Variants in TMPRSS11D observed in about 807,000 individuals in gnomAD.
The protein encoded by TMPRSS11D is transmembrane serine protease 11D, also known as transmembrane protease serine 11D.
TMPRSS11D carries 32 observed loss-of-function variants against 44.4 expected under a neutral mutation model. The observed-to-expected ratio is 0.72, with a 90% CI of 0.54 to 0.97. The LOEUF (loss-of-function observed/expected upper bound fraction) is 0.97, where lower values mean the gene tolerates loss of function less well. Ranked by LOEUF, TMPRSS11D falls within the 50% of genes least tolerant of loss-of-function variation. The probability of loss-of-function intolerance (pLI) is 0.00; values close to 1 mark genes in which losing one functional copy is unlikely to be tolerated. For synonymous variants in TMPRSS11D, 179 were observed against 177.9 expected (o/e 1.01, Z -0.05); for missense variants, 446 against 502.6 (o/e 0.89, Z 1.08).
intron 1 of TMPRSS11D, among the ~76,000 whole-genome samples, chr4:67,865,247 C>A (rs1055098016): frequency 3.3e-5 from 5 of 150,218 alleles, no homozygotes; most frequent in African/African-American, 9.8e-5. Context: ...GAAAAAAAAA[C>A]CCAACATGCT....
chr4:67,835,923 A>C (rs1718073196), intron 5 of TMPRSS11D, among the ~76,000 whole-genome samples: 2 of 152,144 alleles, frequency 1.3e-5, no homozygotes, highest in South Asian at 4.1e-4. Flanking sequence ...TCAGTATCAG[A>C]GGGTAAAGGT....
chr4:67,874,010 A>G (rs893796089), intron 1 of TMPRSS11D, among the ~76,000 whole-genome samples: 28 of 152,216 alleles, frequency 1.8e-4, no homozygotes, highest in Admixed American at 1.6e-3. Context: ...CATGTATGAC[A>G]GTGGTCCCAT....
chr4:67,830,722 A>G (rs868331513), intron 7 of TMPRSS11D, among the ~76,000 whole-genome samples: 41 of 150,642 alleles, frequency 2.7e-4, no homozygotes, highest in African/African-American at 8.8e-4. Context: ...TCTTCCTTCC[A>G]CTCGTTTATT....
At chr4:67,854,488 T>G (rs902616619) in intron 2 of TMPRSS11D, among the ~76,000 whole-genome samples, 1 of 152,168 alleles carries the variant, frequency 6.6e-6, no homozygotes, top group Non-Finnish European at 1.5e-5. Context: ...AGATTTGTGG[T>G]GTATTCATTC....
chr4:67,876,829 ATT>A (rs532392729), intron 1 of TMPRSS11D, among the ~76,000 whole-genome samples: 1 of 152,176 alleles, frequency 6.6e-6, no homozygotes, highest in Non-Finnish European at 1.5e-5. Context: ...CACTTAGGAC[ATT>A]TTTTTAATTG....
chr4:67,853,782 G>T (rs1011121495), intron 3 of TMPRSS11D, among the ~76,000 whole-genome samples: 6 of 152,154 alleles, frequency 3.9e-5, no homozygotes, highest in African/African-American at 1.4e-4. Context: ...CAATGTCAAT[G>T]CTTAATTAAA....
chr4:67,838,910 A>G (rs1313799325), intron 4 of TMPRSS11D: 1 of 152,098 alleles, frequency 6.6e-6, no homozygotes, highest in African/African-American at 2.4e-5. Flanking sequence ...TTCATCACTC[A>G]TTTTAATTAA....
rs1718566463 is a variant in TMPRSS11D, at chr4:67,853,848, C to T, written c.249+220G>A. Among the ~76,000 whole-genome samples the T allele has an allele frequency of 2.6e-5, 4 of 152,130 alleles. No individual in the cohort carries two copies. In the South Asian group the frequency reaches 8.3e-4, roughly 32 times the overall value. ...TAAACAAATAAAATGCATATTTACTCGTGGCCTTTCTAACACTTTTTACTC... is the reference window on the plus strand; with the variant it reads ...TAAACAAATAAAATGCATATTTACTTGTGGCCTTTCTAACACTTTTTACTC... On this transcript the variant is annotated intron_variant, in intron 3 of 9. Coordinates refer to ENST00000283916, the MANE Select transcript of TMPRSS11D (RefSeq NM_004262.3).
chr4:67,842,699 T>A, intron 3 of TMPRSS11D, 74 bp from the exon 4 acceptor site: 2 of 1,342,004 alleles, frequency 1.5e-6, no homozygotes, highest in Non-Finnish European at 2.1e-6. Context: ...CCTTGCAACA[T>A]GAGACATGTT....
At chr4:67,869,505 T>C (rs576653680) in intron 1 of TMPRSS11D, among the ~76,000 whole-genome samples, 2 of 152,252 alleles carry the variant, frequency 1.3e-5, no homozygotes, top group African/African-American at 4.8e-5. Context: ...TATCAATTAA[T>C]ATTTATAATC....
rs542392616 is a variant in TMPRSS11D, at chr4:67,837,183, C to A, written c.475+989G>T. ...TCTAGTATAATGATAAATAAATAAACACTTGGGAAGTGCGTTCGGGAGCAT... is the reference window on the plus strand; with the variant it reads ...TCTAGTATAATGATAAATAAATAAAAACTTGGGAAGTGCGTTCGGGAGCAT... On this transcript the variant is annotated intron_variant, in intron 5 of 9. Transcript: ENST00000283916. 2.0e-5 allele frequency among the ~76,000 whole-genome samples: 3 copies of A among 152,220 alleles called. No homozygotes were observed. In the South Asian group the frequency reaches 6.2e-4, roughly 32 times the overall value.
chr4:67,860,806 G>A (rs1718775686), intron 1 of TMPRSS11D, among the ~76,000 whole-genome samples: 1 of 152,108 alleles, frequency 6.6e-6, no homozygotes. Context: ...GTATAAGTGA[G>A]AAGGGTATGT....
At chr4:67,833,502 C>A in intron 6 of TMPRSS11D, 121 bp from the exon 7 acceptor site, 4 of 937,398 alleles carry the variant, frequency 4.3e-6, no homozygotes. Context: ...TCAGGACATG[C>A]TGGATTTTCC....
chr4:67,834,262 C>CT (rs34971754), intron 6 of TMPRSS11D, among the ~76,000 whole-genome samples: 23,304 of 151,836 alleles, frequency 0.15, 1,904 homozygotes, highest in Middle Eastern at 0.23. Context: ...CACCTAAAGG[C>CT]TTTTTTTTCC....
At chr4:67,869,155 A>G (rs1382732502) in intron 1 of TMPRSS11D, among the ~76,000 whole-genome samples, 1 of 152,228 alleles carries the variant, frequency 6.6e-6, no homozygotes, top group Non-Finnish European at 1.5e-5. Flanking sequence ...TCAGCTGTTA[A>G]GATGGGTCTT....
intron 1 of TMPRSS11D, among the ~76,000 whole-genome samples, chr4:67,870,698 C>T (rs1719036796): frequency 6.6e-6 from 1 of 150,938 alleles, no homozygotes; most frequent in African/African-American, 2.4e-5. Flanking sequence ...CCTATAGTCC[C>T]AGCTACTCAG....
At chr4:67,844,854 C>T (rs905532416) in intron 3 of TMPRSS11D, among the ~76,000 whole-genome samples, 9 of 151,846 alleles carry the variant, frequency 5.9e-5, no homozygotes, top group African/African-American at 1.5e-4. Flanking sequence ...TGCTGTAATT[C>T]GATAAAGTAA....
intron 4 of TMPRSS11D, among the ~76,000 whole-genome samples, chr4:67,838,530 T>C (rs975171759): frequency 5.3e-5 from 8 of 152,116 alleles, no homozygotes; most frequent in African/African-American, 1.9e-4. Flanking sequence ...CACAGAACAC[T>C]GTACTCACTG....
At chr4:67,859,145 G>T (rs1235753093) in intron 2 of TMPRSS11D, among the ~76,000 whole-genome samples, 2 of 152,102 alleles carry the variant, frequency 1.3e-5, no homozygotes, top group African/African-American at 4.8e-5. Flanking sequence ...CCAAATTTTA[G>T]ATGTTGAAAC....
Sources: allele counts gnomAD v4.1 joint callset (sites outside exome capture counted in the v4.1 genomes callset), GRCh38; gene constraint gnomAD v4.1.1; transcripts MANE v1.5; gene names NCBI Gene and HGNC (gene_info 2026-07-23, HGNC 2026-07-21).